RIN2: variants seen among roughly 807,000 people sequenced by gnomAD.
RIN2 encodes the protein RAB5 interacting protein 2.
Under a neutral mutation model 78.0 loss-of-function variants are expected in RIN2, and 36 were observed. The observed-to-expected ratio is 0.46, with a 90% CI of 0.35 to 0.61. The LOEUF (loss-of-function observed/expected upper bound fraction) is 0.61. Among genes scored for constraint, RIN2 ranks in the 20% least tolerant of loss-of-function variants. RIN2 has a pLI of 0.00. For synonymous variants in RIN2, 466 were observed against 466.8 expected, an observed-to-expected ratio of 1.00 and a Z score of 0.02; for missense variants, 1,087 against 1,159.7, an observed-to-expected ratio of 0.94 and a Z score of 0.91.
chr20:19,966,778 C>T (rs568790478), intron 7 of RIN2, among the ~76,000 whole-genome samples: 2 of 152,302 alleles, frequency 1.3e-5, no homozygotes, highest in East Asian at 3.9e-4. Flanking sequence ...GGACTAGTAC[C>T]TGGGGGCACC....
At chr20:19,904,932 C>G (rs967821596) in intron 3 of RIN2, among the ~76,000 whole-genome samples, 1 of 152,230 alleles carries the variant, frequency 6.6e-6, no homozygotes, top group African/African-American at 2.4e-5. Flanking sequence ...TTTCTCTACA[C>G]TTGCTTCTTC....
chr20:19,974,123 G>C (rs1285793497), intron 8 of RIN2, among the ~76,000 whole-genome samples: 1 of 152,172 alleles, frequency 6.6e-6, no homozygotes, highest in Non-Finnish European at 1.5e-5. Context: ...AATGCTGAAT[G>C]TGTAAAACCC....
chr20:19,941,560 G>A lies in RIN2; in HGVS notation c.158+6361G>A, dbSNP rs6035480. 7.7e-3 allele frequency among the ~76,000 whole-genome samples: 1,179 copies of A among 152,156 alleles called. 22 individuals are homozygous for A. The highest frequency in any genetic ancestry group is 0.026 in the South Asian group (127 of 4,820). On this transcript the variant is annotated intron_variant, in intron 4 of 12. Coordinates refer to ENST00000255006, the MANE Select transcript of RIN2 (RefSeq NM_018993.4). ...CCACAGAGTAAACACATCACACATC[G>A]ATGGCTTTGCTCACAAACCTGTTAC...
chr20:19,774,406 A>G (rs894885806), intron 1 of RIN2, among the ~76,000 whole-genome samples: 1 of 152,226 alleles, frequency 6.6e-6, no homozygotes, highest in East Asian at 1.9e-4. Flanking sequence ...GGAGCATATA[A>G]TAAAAGCAAT....
intron 7 of RIN2, among the ~76,000 whole-genome samples, chr20:19,968,603 A>G (rs2042011343): frequency 1.3e-5 from 2 of 152,194 alleles, no homozygotes; most frequent in African/African-American, 2.4e-5. Flanking sequence ...AACCAAGGAC[A>G]GGTGTGGCTT....
chr20:19,867,205 GCA>G lies in RIN2; in HGVS notation c.-36-22349_-36-22348del, dbSNP rs148192120. On this transcript the variant is annotated intron_variant, in intron 2 of 12. Transcript: ENST00000255006. Reference sequence around the variant, plus strand: ...ACAACACGTGCACACATGCTCATGTGCACACACACACACTTTTTTCTAAACCA... The same window carrying G: ...ACAACACGTGCACACATGCTCATGTGCACACACACACTTTTTTCTAAACCA... Among the ~76,000 whole-genome samples, 6 of 151,906 alleles carry G rather than the reference GCA, an allele frequency of 3.9e-5. No homozygotes were observed. The East Asian group carries it at 1.2e-3, about 29-fold the overall frequency.
chr20:19,862,705 A>G (rs1317503781), intron 2 of RIN2, among the ~76,000 whole-genome samples: 1 of 152,254 alleles, frequency 6.6e-6, no homozygotes, highest in Non-Finnish European at 1.5e-5. Flanking sequence ...CCAGGCATTA[A>G]CAAGTATCAT....
chr20:19,844,687 TCTTCCTCTTCC>T (rs1364245191), intron 2 of RIN2, among the ~76,000 whole-genome samples: 37 of 17,682 alleles, frequency 2.1e-3, no homozygotes, highest in Admixed American at 3.4e-3. Flanking sequence ...TTCTTCTTCC[TCTTCCTCTTCC>T]TCTTCTTCTT....
chr20:19,809,010 C>T (rs114850778), intron 2 of RIN2, among the ~76,000 whole-genome samples: 2,618 of 152,328 alleles, frequency 0.017, 68 homozygotes, highest in African/African-American at 0.058. Flanking sequence ...ACCCATGCCA[C>T]AGGCCAGTCC....
intron 2 of RIN2, among the ~76,000 whole-genome samples, chr20:19,856,071 C>T (rs2037156302): frequency 6.6e-6 from 1 of 151,674 alleles, no homozygotes; most frequent in African/African-American, 2.4e-5. Context: ...AAGACTCCTT[C>T]TAGAACAAAA....
At chr20:19,974,563 G>C (rs999806712) in intron 8 of RIN2, 91 bp from the exon 9 acceptor site, 2 of 1,290,306 alleles carry the variant, frequency 1.6e-6, no homozygotes, top group African/African-American at 1.5e-5. Context: ...CAAGACTCGC[G>C]TTGTCATGCA....
intron 6 of RIN2, among the ~76,000 whole-genome samples, chr20:19,963,068 T>A (rs1487801896): frequency 6.6e-6 from 1 of 152,240 alleles, no homozygotes; most frequent in Non-Finnish European, 1.5e-5. Flanking sequence ...ATTTCATTTT[T>A]AAAAAATTTC....
chr20:19,944,695 T>G (rs1337756930), intron 4 of RIN2, among the ~76,000 whole-genome samples: 4 of 152,104 alleles, frequency 2.6e-5, no homozygotes, highest in African/African-American at 9.7e-5. Flanking sequence ...AGTGGCTTTT[T>G]TTTTTCTTTT....
chr20:19,862,893 G>A (rs961331006), intron 2 of RIN2, among the ~76,000 whole-genome samples: 1 of 152,138 alleles, frequency 6.6e-6, no homozygotes, highest in African/African-American at 2.4e-5. Context: ...TCTTGTCTTT[G>A]GATTGGTTTG....
Position 19,904,124 on chromosome 20 carries a change from C to T in RIN2, c.57+14466C>T, listed in dbSNP as rs996703402. 4.0e-5 allele frequency among the ~76,000 whole-genome samples: 6 copies of T among 151,584 alleles called. No homozygotes were observed. The South Asian group carries it at 6.2e-4, about 16-fold the overall frequency. The stretch of plus-strand genomic sequence containing the variant: ...GCGCACGTCTGTAATCCCAGCCACT[C>T]GGGAGGCTGAGGCAGGAGAATTGCT... On this transcript the variant is annotated intron_variant, in intron 3 of 12. Transcript: ENST00000255006.
At chr20:19,911,969 C>CTG (rs10668649) in intron 3 of RIN2, among the ~76,000 whole-genome samples, 36,058 of 152,032 alleles carry the variant, frequency 0.24, 5,009 homozygotes, top group East Asian at 0.55. Context: ...CAGGGGCTGT[C>CTG]TGTGGTTTTG....
intron 1 of RIN2, among the ~76,000 whole-genome samples, chr20:19,758,939 G>A (rs2033507554): frequency 6.6e-6 from 1 of 152,228 alleles, no homozygotes; most frequent in Non-Finnish European, 1.5e-5. Context: ...GGGGGCACTT[G>A]GGCTGTCGCG....
rs190494691 is a variant in RIN2, at chr20:19,932,174, A to G, written c.58-2925A>G. ...CCCTCACAAATGAATTAATGCCGTT[A>G]TCTTGGTAGCGGGTTAGTTTTCAAA... On this transcript the variant is annotated intron_variant, in intron 3 of 12. Transcript: ENST00000255006. 3.3e-4 allele frequency among the ~76,000 whole-genome samples: 51 copies of G among 152,340 alleles called. No individual in the cohort carries two copies. In the East Asian group the frequency reaches 3.9e-3, roughly 12 times the overall value.
intron 2 of RIN2, among the ~76,000 whole-genome samples, chr20:19,878,761 T>C (rs2037933747): frequency 6.6e-6 from 1 of 152,192 alleles, no homozygotes; most frequent in Non-Finnish European, 1.5e-5. Flanking sequence ...CATCCATCCA[T>C]GGGCCCACTC....
Sources: gnomAD v4.1 joint callset for allele counts (sites outside exome capture counted in the v4.1 genomes callset) on GRCh38, gnomAD v4.1.1 for gene constraint, MANE v1.5 for transcripts, NCBI Gene and HGNC (gene_info 2026-07-23, HGNC 2026-07-21) for gene names.